The following RASSF8 variants were observed in gnomAD, a reference collection of about 807,000 sequenced individuals.
RASSF8 encodes the protein Ras association domain family member 8, also known as ras association domain-containing protein 8.
RASSF8 carries 22 observed loss-of-function variants against 48.5 expected under a neutral mutation model. The observed-to-expected ratio is 0.45, with a 90% confidence interval of 0.32 to 0.65. RASSF8 has a LOEUF of 0.65. Among genes scored for constraint, RASSF8 ranks in the 30% least tolerant of loss-of-function variants. RASSF8 has a pLI of 0.03. For missense variants in RASSF8, 418 were observed against 489.2 expected (o/e 0.85, Z 1.37); for synonymous variants, 127 against 171.5 (o/e 0.74, Z 2.03).
Position 26,054,159 on chromosome 12 carries a change from G to A in RASSF8, c.-108-1077G>A, listed in dbSNP as rs554059173. 1.8e-4 allele frequency among the ~76,000 whole-genome samples: 27 copies of A among 152,116 alleles called. 1 individual carries two copies. Among genetic ancestry groups the A allele is most frequent in the Admixed American group, 7.9e-4 (12 of 15,278 alleles). On this transcript the variant is annotated intron_variant, in intron 2 of 5. Coordinates refer to ENST00000689635, the MANE Select transcript of RASSF8 (RefSeq NM_001394098.1). Reference sequence around the variant, plus strand: ...TCTCATGAATTTTAACAACAAAGACGTGGGAAGACCACAAAACAATGGACA... The same window carrying A: ...TCTCATGAATTTTAACAACAAAGACATGGGAAGACCACAAAACAATGGACA...
chr12:26,054,956 G>A (rs1943570928), intron 2 of RASSF8, among the ~76,000 whole-genome samples: 1 of 152,072 alleles, frequency 6.6e-6, no homozygotes, highest in Non-Finnish European at 1.5e-5. Flanking sequence ...CAGAAAAACA[G>A]CGCATATATT....
chr12:26,025,298 C>G (rs531854011), intron 2 of RASSF8, among the ~76,000 whole-genome samples: 2 of 152,272 alleles, frequency 1.3e-5, no homozygotes, highest in Non-Finnish European at 2.9e-5. Flanking sequence ...TGGCTCACGC[C>G]TGTAATCCCA....
In RASSF8 at chr12:26,070,851, G is replaced by C. The variant is rs1333304712; in HGVS notation, c.*2033G>C. 1 of 983,806 alleles carries C rather than the reference G, an allele frequency of 1.0e-6. No homozygotes were observed. The highest frequency in any genetic ancestry group is 1.2e-6 in the Non-Finnish European group (1 of 828,724). The allele number at this position is 983,806 out of a possible 1,614,324, so 60.9% of individuals were successfully genotyped here. A position where few individuals can be genotyped will look rare whatever the true frequency, so the allele number is the denominator to read the frequency against. On this transcript the variant is annotated 3_prime_UTR_variant, in exon 6 of 6. Transcript: ENST00000689635. ...CAATTAGGAGTTTCAGAGATGCCTTGGCATACCACGAAAAACACTGTCAAT... is the reference window on the plus strand; with the variant it reads ...CAATTAGGAGTTTCAGAGATGCCTTCGCATACCACGAAAAACACTGTCAAT...
intron 3 of RASSF8, among the ~76,000 whole-genome samples, chr12:26,056,042 G>A (rs1226749186): frequency 2.6e-5 from 4 of 152,036 alleles, no homozygotes; most frequent in Non-Finnish European, 4.4e-5. Flanking sequence ...AAAATTAGCC[G>A]GGCGTGGTGG....
chr12:26,063,405 GTT>G, intron 3 of RASSF8, among the ~76,000 whole-genome samples: 1 of 147,688 alleles, frequency 6.8e-6, no homozygotes, highest in Non-Finnish European at 1.5e-5. Flanking sequence ...TGTTTGTTTT[GTT>G]TTTTTTTTGA....
At chr12:25,973,024 C>T (rs1592219506) in intron 1 of RASSF8, among the ~76,000 whole-genome samples, 1 of 151,966 alleles carries the variant, frequency 6.6e-6, no homozygotes, top group South Asian at 2.1e-4. Context: ...GTAGCTTGTT[C>T]ATTCTTTTTT....
chr12:26,023,743 T>G (rs991896887), intron 2 of RASSF8, among the ~76,000 whole-genome samples: 1 of 152,174 alleles, frequency 6.6e-6, no homozygotes, highest in African/African-American at 2.4e-5. Context: ...TGTTTGTTCT[T>G]TTTTTATTCT....
At chr12:26,050,981 G>T (rs1345419026) in intron 2 of RASSF8, among the ~76,000 whole-genome samples, 4 of 152,176 alleles carry the variant, frequency 2.6e-5, no homozygotes, top group South Asian at 4.1e-4. Context: ...GATTTCTTAG[G>T]GTGGTTTAGG....
chr12:25,973,578 G>A (rs1164225842), intron 1 of RASSF8, among the ~76,000 whole-genome samples: 1 of 152,144 alleles, frequency 6.6e-6, no homozygotes, highest in Admixed American at 6.5e-5. Flanking sequence ...AAAAATTAGG[G>A]AGCCTGCTAT....
At chr12:26,022,832 C>T (rs983242974) in intron 2 of RASSF8, among the ~76,000 whole-genome samples, 1 of 152,004 alleles carries the variant, frequency 6.6e-6, no homozygotes, top group African/African-American at 2.4e-5. Flanking sequence ...ACTTCCGCCT[C>T]CCGGGTTCAA....
intron 1 of RASSF8, among the ~76,000 whole-genome samples, chr12:25,963,582 T>C (rs1941289013): frequency 6.6e-6 from 1 of 152,204 alleles, no homozygotes; most frequent in African/African-American, 2.4e-5. Context: ...TTCTAGTTCT[T>C]TCTAGTTTTG....
intron 2 of RASSF8, among the ~76,000 whole-genome samples, chr12:25,998,138 A>G (rs1942173696): frequency 6.6e-6 from 1 of 152,196 alleles, no homozygotes; most frequent in Non-Finnish European, 1.5e-5. Flanking sequence ...TGATTCGAGA[A>G]TGTTATGACT....
intron 2 of RASSF8, among the ~76,000 whole-genome samples, chr12:26,050,588 A>G (rs1495661): frequency 0.84 from 128,373 of 152,202 alleles, 54,250 homozygotes; most frequent in East Asian, 0.99. Context: ...AAACAAAATG[A>G]CTTATTCCAG....
intron 1 of RASSF8, among the ~76,000 whole-genome samples, chr12:25,961,095 T>TA (rs1385287008): frequency 6.6e-6 from 1 of 152,246 alleles, no homozygotes; most frequent in African/African-American, 2.4e-5. Flanking sequence ...CGTGGTGACT[T>TA]ACGTCAGTTT....
intron 2 of RASSF8, among the ~76,000 whole-genome samples, chr12:25,999,479 G>A (rs572451373): frequency 6.6e-6 from 1 of 152,248 alleles, no homozygotes; most frequent in African/African-American, 2.4e-5. Context: ...CAGGCATGGT[G>A]GCTCACAACT....
At chr12:26,047,332 A>C (rs2137192460) in intron 2 of RASSF8, among the ~76,000 whole-genome samples, 1 of 152,302 alleles carries the variant, frequency 6.6e-6, no homozygotes, top group African/African-American at 2.4e-5. Context: ...AGAACAGACC[A>C]CACACAGTTT....
intron 2 of RASSF8, among the ~76,000 whole-genome samples, chr12:26,005,129 C>A (rs938252336): frequency 1.3e-5 from 2 of 151,498 alleles, no homozygotes; most frequent in African/African-American, 2.4e-5. Flanking sequence ...GTACATATAA[C>A]GTGTATTTGT....
chr12:26,076,659 T>C (rs908155790), downstream of RASSF8, among the ~76,000 whole-genome samples: 4 of 152,242 alleles, frequency 2.6e-5, no homozygotes, highest in Non-Finnish European at 5.9e-5. Flanking sequence ...CTTAATTGTC[T>C]ATCATTGATG....
At chr12:26,034,602 G>A (rs1392798232) in intron 2 of RASSF8, among the ~76,000 whole-genome samples, 1 of 151,976 alleles carries the variant, frequency 6.6e-6, no homozygotes. Flanking sequence ...AATAATCTTA[G>A]GGGGGAGAAA....
Sources: gnomAD v4.1 joint callset for allele counts (sites outside exome capture counted in the v4.1 genomes callset) on GRCh38, gnomAD v4.1.1 for gene constraint, MANE v1.5 for transcripts, NCBI Gene and HGNC (gene_info 2026-07-23, HGNC 2026-07-21) for gene names.